CAB39L: variants seen among roughly 807,000 people sequenced by gnomAD.
CAB39L encodes the protein calcium-binding protein 39-like.
Under a neutral mutation model 39.1 loss-of-function variants are expected in CAB39L, and 23 were observed. The observed-to-expected ratio is 0.59, with a 90% CI of 0.42 to 0.83. CAB39L has a LOEUF of 0.83. CAB39L is among the 40% of genes least tolerant of loss of function. The probability of loss-of-function intolerance (pLI) is 0.00; values close to 1 mark genes in which losing one functional copy is unlikely to be tolerated. For synonymous variants in CAB39L, 126 were observed against 137.2 expected (o/e 0.92, Z 0.57); for missense variants, 366 against 391.9 (o/e 0.93, Z 0.56).
chr13:49,375,192 GTTTAATA>G (rs1419061810), intron 5 of CAB39L, among the ~76,000 whole-genome samples: 1 of 151,836 alleles, frequency 6.6e-6, no homozygotes, highest in African/African-American at 2.4e-5. Context: ...TTTTTATTTA[GTTTAATA>G]TTTAAAACAA....
chr13:49,336,900 C>T (rs188039434), intron 9 of CAB39L, among the ~76,000 whole-genome samples: 3 of 152,382 alleles, frequency 2.0e-5, no homozygotes, highest in Non-Finnish European at 4.4e-5. Flanking sequence ...AAGTCACTCT[C>T]TGCCCAAAGG....
chr13:49,329,613 T>G (rs1954629848), intron 10 of CAB39L, among the ~76,000 whole-genome samples: 1 of 138,398 alleles, frequency 7.2e-6, no homozygotes, highest in African/African-American at 2.6e-5. Context: ...GTAATAAATA[T>G]CTGGTGGCTG....
Position 49,424,015 on chromosome 13 carries a change from C to A in CAB39L, c.-32+9303G>T, listed in dbSNP as rs150865614. On this transcript the variant is annotated intron_variant, in intron 3 of 10. Coordinates refer to ENST00000409308, the MANE Select transcript of CAB39L (RefSeq NM_001079670.3). ...ATCTCTAAAAATAGAATAACAAGTC[C>A]ATACTGACATAAGCTATTGAATAAT... 8.1e-3 allele frequency among the ~76,000 whole-genome samples: 1,236 copies of A among 152,242 alleles called. 20 individuals carry two copies. Among genetic ancestry groups the A allele is most frequent in the African/African-American group, 0.027 (1,117 of 41,538 alleles).
At chr13:49,358,128 G>A (rs1955535522) in intron 6 of CAB39L, among the ~76,000 whole-genome samples, 1 of 152,060 alleles carries the variant, frequency 6.6e-6, no homozygotes, top group African/African-American at 2.4e-5. Context: ...TTCACTTTGG[G>A]GTCTATGTGT....
intron 3 of CAB39L, among the ~76,000 whole-genome samples, chr13:49,428,341 G>A (rs1193390382): frequency 6.6e-6 from 1 of 152,182 alleles, no homozygotes; most frequent in East Asian, 1.9e-4. Flanking sequence ...CCATAGGGAT[G>A]CTCACTTGAC....
At position 49,329,541 on chromosome 13, in the gene CAB39L, AAAAATATATATATATATATAT is replaced by A. The variant is rs1220676019; in HGVS notation, c.834+2385_834+2405del. On this transcript the variant is annotated intron_variant, in intron 10 of 10. Coordinates refer to ENST00000409308, the MANE Select transcript of CAB39L (RefSeq NM_001079670.3). ...CCTACATATCTCTTCAATTAAAAAA[AAAAATATATATATATATATAT>A]ATATATATATATATATATATATATA... Among the ~76,000 whole-genome samples the A allele has an allele frequency of 1.4e-3, 50 of 36,492 alleles. 1 individual carries two copies. The highest frequency in any genetic ancestry group is 1.1e-3 in the Non-Finnish European group (24 of 21,968). 23.9% of individuals were successfully genotyped at this position (36,492 alleles called of 152,430 possible). A position where few individuals can be genotyped will look rare whatever the true frequency, so the allele number is the denominator to read the frequency against.
chr13:49,388,128 A>G (rs962036584), intron 3 of CAB39L, among the ~76,000 whole-genome samples: 1 of 152,212 alleles, frequency 6.6e-6, no homozygotes, highest in African/African-American at 2.4e-5. Context: ...ATGGATACAT[A>G]TCTTTATATC....
rs1953917509 is a variant in CAB39L at position 49,309,136 on chromosome 13, G to A, written c.*1678C>T. The A allele has an allele frequency of 6.6e-6, 1 of 152,188 alleles. No individual in the cohort carries two copies. Among genetic ancestry groups the A allele is most frequent in the Non-Finnish European group, 1.5e-5 (1 of 68,036 alleles). 9.4% of individuals were successfully genotyped at this position (152,188 alleles called of 1,614,324 possible). A position where few individuals can be genotyped will look rare whatever the true frequency, so the allele number is the denominator to read the frequency against. Reference sequence around the variant, plus strand: ...AATTCGAAGGGACTCTGAACTGTCAGGGAACGTTATAAAAATAATCTGACG... The same window carrying A: ...AATTCGAAGGGACTCTGAACTGTCAAGGAACGTTATAAAAATAATCTGACG... On this transcript the variant is annotated 3_prime_UTR_variant, in exon 11 of 11. Coordinates refer to ENST00000409308, the MANE Select transcript of CAB39L (RefSeq NM_001079670.3).
chr13:49,425,581 GC>G (rs1957233306), intron 3 of CAB39L, among the ~76,000 whole-genome samples: 1 of 152,096 alleles, frequency 6.6e-6, no homozygotes, highest in Non-Finnish European at 1.5e-5. Context: ...GCAAAAACAG[GC>G]ACAAAGCTAA....
intron 4 of CAB39L, among the ~76,000 whole-genome samples, chr13:49,378,343 T>C (rs1298880794): frequency 3.8e-5 from 2 of 53,204 alleles, no homozygotes; most frequent in Admixed American, 1.5e-4. Context: ...CGGCCAGCCG[T>C]GCCATCCGGG....
At chr13:49,382,555 CT>C (rs1956271268) in intron 4 of CAB39L, 1 of 293,146 alleles carries the variant, frequency 3.4e-6, no homozygotes, top group South Asian at 6.4e-5. Context: ...CCTTTTAGAT[CT>C]TTAAGCTGTG....
rs770332954 is a variant in CAB39L at position 49,310,823 on chromosome 13, C to T, written c.1005G>A (p.Thr335=). The part of the protein sequence containing the change: ...LIKQIRDLKK[T]AP ...GGGGCCGGGGAGCTCTTCAAGGGGC[C>T]GTTTTCTTCAAGTCTCGGATCTGTT... is the stretch of plus-strand genomic sequence containing the variant. The change falls in exon 11 of 11, where the codon ACG becomes ACA. Residue 335 remains threonine (T), a synonymous_variant. Coordinates refer to ENST00000409308, the MANE Select transcript of CAB39L (RefSeq NM_001079670.3). 17 of 1,613,760 alleles carry T rather than the reference C, an allele frequency of 1.1e-5. No individual in the cohort carries two copies. Among genetic ancestry groups the T allele is most frequent in the African/African-American group, 2.7e-5 (2 of 74,866 alleles).
chr13:49,385,050 T>C (rs1322666717), intron 3 of CAB39L, among the ~76,000 whole-genome samples: 1 of 152,232 alleles, frequency 6.6e-6, no homozygotes, highest in Non-Finnish European at 1.5e-5. Flanking sequence ...TCCTCCTTTC[T>C]AGCTATGAAA....
chr13:49,442,787 C>CAAAAAA (rs71078844), intron 1 of CAB39L, among the ~76,000 whole-genome samples: 110 of 103,610 alleles, frequency 1.1e-3, no homozygotes, highest in African/African-American at 1.5e-3. Context: ...GACTCCATCT[C>CAAAAAA]AAAAAAAAAA....
intron 3 of CAB39L, among the ~76,000 whole-genome samples, chr13:49,426,581 C>T (rs2138722063): frequency 6.6e-6 from 1 of 152,284 alleles, no homozygotes; most frequent in East Asian, 1.9e-4. Context: ...CGCCTGCCAC[C>T]ACACCCGGCT....
rs576629170 is a variant in CAB39L, at chr13:49,417,165, T to C, written c.-32+16153A>G. On this transcript the variant is annotated intron_variant, in intron 3 of 10. Coordinates refer to ENST00000409308, the MANE Select transcript of CAB39L (RefSeq NM_001079670.3). ...TAGTGTTGAATAGTTAATTTTGAGATAGTGGGCACTTTATATTCCAATTTT... is the reference window on the plus strand; with the variant it reads ...TAGTGTTGAATAGTTAATTTTGAGACAGTGGGCACTTTATATTCCAATTTT... 4.6e-5 allele frequency among the ~76,000 whole-genome samples: 7 copies of C among 152,348 alleles called. No homozygotes were observed. In the South Asian group the frequency reaches 1.5e-3, roughly 32 times the overall value.
intron 8 of CAB39L, 44 bp from the exon 9 acceptor site, chr13:49,339,786 G>A (rs971575501): frequency 4.7e-6 from 7 of 1,479,892 alleles, no homozygotes; most frequent in Non-Finnish European, 6.3e-6. Context: ...AGCAGCAGTG[G>A]ATTCTCCGTA....
intron 5 of CAB39L, among the ~76,000 whole-genome samples, chr13:49,364,768 T>TA (rs1955728562): frequency 6.6e-6 from 1 of 151,554 alleles, no homozygotes; most frequent in Non-Finnish European, 1.5e-5. Flanking sequence ...ATGAAAACTA[T>TA]AAAAAAATGG....
chr13:49,422,942 G>T (rs994334253), intron 3 of CAB39L, among the ~76,000 whole-genome samples: 3 of 152,004 alleles, frequency 2.0e-5, no homozygotes, highest in African/African-American at 7.2e-5. Flanking sequence ...ATGATACTAG[G>T]TCATTTTTAA....
Sources: allele counts gnomAD v4.1 joint callset (sites outside exome capture counted in the v4.1 genomes callset), GRCh38; gene constraint gnomAD v4.1.1; transcripts MANE v1.5; gene names NCBI Gene and HGNC (gene_info 2026-07-23, HGNC 2026-07-21).